The following LMO7 variants were observed in gnomAD, a reference collection of about 807,000 sequenced individuals.
LMO7 encodes the protein LIM domain only protein 7.
A neutral mutation model predicts 206.5 loss-of-function variants in LMO7; 120 were observed. The observed-to-expected ratio is 0.58, with a 90% CI of 0.50 to 0.68. The LOEUF (loss-of-function observed/expected upper bound fraction) is 0.68, where lower values mean the gene tolerates loss of function less well. LMO7 is among the 30% of genes least tolerant of loss of function. LMO7 has a pLI of 0.00. For missense variants in LMO7, 1,959 were observed against 1,957.9 expected (o/e 1.00, Z -0.01); for synonymous variants, 706 against 681.5 (o/e 1.04, Z -0.56).
intron 4 of LMO7, among the ~76,000 whole-genome samples, chr13:75,782,110 G>A (rs916465010): frequency 7.2e-5 from 11 of 152,116 alleles, no homozygotes; most frequent in African/African-American, 2.7e-4. Context: ...TTCTTTTGCT[G>A]TACAGAAGCT....
chr13:75,711,681 T>C (rs1001748809), intron 1 of LMO7, among the ~76,000 whole-genome samples: 2 of 152,168 alleles, frequency 1.3e-5, no homozygotes, highest in South Asian at 4.1e-4. Flanking sequence ...AATGCAGAAA[T>C]CACCCGTCTT....
At chr13:75,740,704 A>G (rs974699907) in intron 3 of LMO7, among the ~76,000 whole-genome samples, 9 of 152,186 alleles carry the variant, frequency 5.9e-5, no homozygotes, top group African/African-American at 2.2e-4. Context: ...TTGCCTGATT[A>G]CATGCCTAGT....
intron 1 of LMO7, among the ~76,000 whole-genome samples, chr13:75,700,177 TACAA>T (rs2137888586): frequency 6.6e-6 from 1 of 152,348 alleles, no homozygotes; most frequent in South Asian, 2.1e-4. Flanking sequence ...ACACATGTTT[TACAA>T]ACAATTTGTA....
chr13:75,850,285 G>A (rs1444025530), intron 27 of LMO7, among the ~76,000 whole-genome samples: 1 of 152,192 alleles, frequency 6.6e-6, no homozygotes, highest in African/African-American at 2.4e-5. Context: ...ATTGACAATT[G>A]TATATGGAAA....
At chr13:75,672,080 C>T (rs1421773687) in intron 1 of LMO7, among the ~76,000 whole-genome samples, 1 of 152,024 alleles carries the variant, frequency 6.6e-6, no homozygotes, top group Non-Finnish European at 1.5e-5. Context: ...CTGCAGATAC[C>T]AACATCCCTG....
chr13:75,854,225 A>G (rs2060735838), intron 28 of LMO7, among the ~76,000 whole-genome samples: 1 of 152,218 alleles, frequency 6.6e-6, no homozygotes, highest in Admixed American at 6.5e-5. Context: ...TTCAAAGTAG[A>G]AACACATTGA....
chr13:75,716,938 A>G (rs1448377741), intron 2 of LMO7, among the ~76,000 whole-genome samples: 1 of 147,308 alleles, frequency 6.8e-6, no homozygotes, highest in Non-Finnish European at 1.5e-5. Flanking sequence ...GATTTGCTTG[A>G]CGATAGTCTG....
intron 1 of LMO7, among the ~76,000 whole-genome samples, chr13:75,695,545 C>T (rs1053992822): frequency 6.6e-6 from 1 of 152,168 alleles, no homozygotes; most frequent in Non-Finnish European, 1.5e-5. Flanking sequence ...CGGGGTTTCA[C>T]CGTGTTGGCT....
At chr13:75,738,422 G>A (rs2046135008) in intron 3 of LMO7, among the ~76,000 whole-genome samples, 1 of 152,208 alleles carries the variant, frequency 6.6e-6, no homozygotes, top group South Asian at 2.1e-4. Flanking sequence ...GAAATATATT[G>A]AATGCTTTGC....
intron 11 of LMO7, among the ~76,000 whole-genome samples, chr13:75,813,097 A>T (rs77156845): frequency 3.9e-4 from 60 of 152,330 alleles, no homozygotes; most frequent in Non-Finnish European, 7.1e-4. Context: ...TAATTCACGT[A>T]GACTGCTTGG....
intron 1 of LMO7, among the ~76,000 whole-genome samples, chr13:75,660,644 C>T (rs1045586560): frequency 8.5e-5 from 13 of 152,278 alleles, no homozygotes; most frequent in Admixed American, 8.5e-4. Flanking sequence ...GTTATTTCTG[C>T]TTTCTTTCAG....
At chr13:75,670,275 G>A (rs1706810474) in intron 1 of LMO7, among the ~76,000 whole-genome samples, 1 of 152,168 alleles carries the variant, frequency 6.6e-6, no homozygotes, top group Non-Finnish European at 1.5e-5. Context: ...TAAAGTTGCA[G>A]AACATCTATT....
Position 75,840,504 on chromosome 13 carries a change from G to A in LMO7, c.3582+9G>A. 6.2e-7 allele frequency: 1 copy of A among 1,613,070 alleles called. No homozygotes were observed. The highest frequency in any genetic ancestry group is 8.5e-7 in the Non-Finnish European group (1 of 1,179,690). On this transcript the variant is annotated intron_variant, in intron 22 of 30. Transcript: ENST00000377534. ...AGGACCGCCTACTGCAGGTAGCTCT[G>A]GCTCACGTGGACGGGTAGAAACTAG...
At chr13:75,854,281 A>G (rs972454013) in intron 28 of LMO7, among the ~76,000 whole-genome samples, 1 of 152,236 alleles carries the variant, frequency 6.6e-6, no homozygotes, top group Non-Finnish European at 1.5e-5. Flanking sequence ...GACTTTCATA[A>G]GAAAACATGT....
intron 1 of LMO7, among the ~76,000 whole-genome samples, chr13:75,705,097 C>A (rs144026008): frequency 6.6e-6 from 1 of 152,150 alleles, no homozygotes; most frequent in African/African-American, 2.4e-5. Flanking sequence ...GAGGCCGCTC[C>A]GCCCTTCATA....
At chr13:75,821,115 C>T in intron 13 of LMO7, 62 bp from the exon 14 acceptor site, 4 of 1,333,740 alleles carry the variant, frequency 3.0e-6, no homozygotes, top group South Asian at 1.5e-5. Context: ...TGATTACTCT[C>T]TCACCACCTC....
intron 1 of LMO7, among the ~76,000 whole-genome samples, chr13:75,654,563 C>T (rs1051463315): frequency 2.6e-5 from 4 of 152,008 alleles, no homozygotes; most frequent in African/African-American, 7.3e-5. Context: ...GGGGCTGTGG[C>T]GTGTGGGGGG....
At chr13:75,665,044 T>C (rs989143317) in intron 1 of LMO7, among the ~76,000 whole-genome samples, 1 of 152,166 alleles carries the variant, frequency 6.6e-6, no homozygotes, top group Admixed American at 6.5e-5. Flanking sequence ...ATAGCAATAT[T>C]GAGGGTCAGG....
chr13:75,821,499 C>G lies in LMO7; in HGVS notation c.2530C>G (p.Leu844Val), dbSNP rs1427051302. The G allele has an allele frequency of 1.9e-6, 3 of 1,614,008 alleles. No homozygotes were observed. The highest frequency in any genetic ancestry group is 2.5e-6 in the Non-Finnish European group (3 of 1,179,958). Residue 844 changes from leucine (L) to valine (V), a missense_variant, in exon 14 of 31, where the codon CTC (leucine) becomes GTC (valine). Transcript: ENST00000377534. ...QMESTRVSAS[L>V]PRSYRKTDTV... ...GGAATCAACTCGTGTTTCAGCTTCT[C>G]TCCCCAGAAGTTACCGGAAAACTGA...
Sources: allele counts gnomAD v4.1 joint callset (sites outside exome capture counted in the v4.1 genomes callset), GRCh38; gene constraint gnomAD v4.1.1; transcripts MANE v1.5; gene names NCBI Gene and HGNC (gene_info 2026-07-23, HGNC 2026-07-21).